Variants in GIPC2 observed in about 807,000 individuals in gnomAD.
The protein encoded by GIPC2 is GIPC PDZ domain containing family member 2.
A neutral mutation model predicts 30.6 loss-of-function variants in GIPC2; 30 were observed. The observed-to-expected ratio is 0.98, with a 90% CI of 0.73 to 1.33. The LOEUF is 1.33. Among genes scored for constraint, GIPC2 ranks in the 40% most tolerant of loss-of-function variants. The pLI is 0.00. For synonymous variants in GIPC2, 167 were observed against 150.0 expected (o/e 1.11, Z -0.83); for missense variants, 414 against 390.3 (o/e 1.06, Z -0.51).
At chr1:78,046,393 G>C in intron 1 of GIPC2, 59 bp downstream of exon 1, 1 of 1,441,212 alleles carries the variant, frequency 6.9e-7, no homozygotes, top group East Asian at 2.4e-5. Flanking sequence ...CGCGCCGCGC[G>C]TATTTCTGTG....
intron 4 of GIPC2, among the ~76,000 whole-genome samples, chr1:78,122,356 T>C (rs888202086): frequency 3.3e-5 from 5 of 152,104 alleles, no homozygotes; most frequent in Non-Finnish European, 1.5e-5. Context: ...ATTCTGAAAA[T>C]GGTGTAAGAT....
At chr1:78,123,958 T>G (rs780099655) in intron 4 of GIPC2, among the ~76,000 whole-genome samples, 3 of 152,254 alleles carry the variant, frequency 2.0e-5, no homozygotes, top group Non-Finnish European at 4.4e-5. Context: ...GTGAGAAAGT[T>G]GTATTAATAT....
chr1:78,071,515 CCTT>C (rs1248028838), intron 1 of GIPC2, among the ~76,000 whole-genome samples: 2 of 150,492 alleles, frequency 1.3e-5, no homozygotes, highest in Non-Finnish European at 3.0e-5. Flanking sequence ...CTCTTCCTCT[CCTT>C]CTTTCTCCTC....
At chr1:78,045,140 T>C (rs1172388610), upstream of GIPC2, 1 of 869,916 alleles carries the variant, frequency 1.1e-6, no homozygotes, top group Non-Finnish European at 1.4e-6. Flanking sequence ...GTAATTAAGA[T>C]ATGATAGTGA....
chr1:78,078,204 A>C lies in GIPC2; in HGVS notation c.241-2471A>C, dbSNP rs979479608. Among the ~76,000 whole-genome samples, 3 of 151,386 alleles carry C rather than the reference A, an allele frequency of 2.0e-5. No homozygotes were observed. In the East Asian group the frequency reaches 5.8e-4, roughly 29 times the overall value. ...CTCCATCTCAAAAAAAAAAAAAAAA[A>C]AAAAAACCTAGTGTATCACTTTCTT... is the stretch of plus-strand genomic sequence containing the variant. On this transcript the variant is annotated intron_variant, in intron 1 of 5. Coordinates refer to ENST00000370759, the MANE Select transcript of GIPC2 (RefSeq NM_017655.6).
intron 3 of GIPC2, among the ~76,000 whole-genome samples, chr1:78,108,009 A>G (rs1219981058): frequency 6.6e-6 from 1 of 152,070 alleles, no homozygotes; most frequent in Non-Finnish European, 1.5e-5. Context: ...TTACATTTGC[A>G]GGATCTGTTT....
At chr1:78,073,515 A>C (rs894747266) in intron 1 of GIPC2, among the ~76,000 whole-genome samples, 6 of 152,208 alleles carry the variant, frequency 3.9e-5, no homozygotes, top group African/African-American at 1.4e-4. Flanking sequence ...GTAGGAGGGT[A>C]GTCATATAAA....
intron 2 of GIPC2, among the ~76,000 whole-genome samples, chr1:78,082,788 A>G (rs1178984999): frequency 1.3e-5 from 2 of 152,212 alleles, no homozygotes; most frequent in African/African-American, 4.8e-5. Flanking sequence ...TACTGTATAC[A>G]TGGTTGATGA....
chr1:78,093,962 T>C (rs1172422999), intron 2 of GIPC2, among the ~76,000 whole-genome samples: 2 of 152,122 alleles, frequency 1.3e-5, no homozygotes, highest in Non-Finnish European at 2.9e-5. Flanking sequence ...CTAGATACCA[T>C]TTTGATACTT....
intron 1 of GIPC2, among the ~76,000 whole-genome samples, chr1:78,058,950 C>T (rs1445323744): frequency 1.3e-5 from 2 of 152,192 alleles, no homozygotes; most frequent in African/African-American, 4.8e-5. Flanking sequence ...CCAAAGAACT[C>T]TGCCAAATAG....
chr1:78,073,371 T>G (rs1661659800), intron 1 of GIPC2, among the ~76,000 whole-genome samples: 1 of 152,174 alleles, frequency 6.6e-6, no homozygotes, highest in African/African-American at 2.4e-5. Context: ...CCCAAAGTGC[T>G]GGGATTTCAG....
At position 78,078,737 on chromosome 1, in the gene GIPC2, T is replaced by C. The variant is rs565878170; in HGVS notation, c.241-1938T>C. On this transcript the variant is annotated intron_variant, in intron 1 of 5. Coordinates refer to ENST00000370759, the MANE Select transcript of GIPC2 (RefSeq NM_017655.6). The stretch of plus-strand genomic sequence containing the variant: ...CTTTTTGTTTTTCTCTATCCTGTTA[T>C]ACCATCATGGTATTTTAATTTTTTT... Among the ~76,000 whole-genome samples the C allele has an allele frequency of 2.0e-5, 3 of 151,924 alleles. No individual in the cohort carries two copies. In the South Asian group the frequency reaches 6.2e-4, roughly 32 times the overall value.
At chr1:78,124,269 C>G (rs1215121444) in intron 4 of GIPC2, among the ~76,000 whole-genome samples, 1 of 151,978 alleles carries the variant, frequency 6.6e-6, no homozygotes, top group Non-Finnish European at 1.5e-5. Flanking sequence ...TCGGGAAGAA[C>G]AAAAATGTTT....
chr1:78,091,816 A>G, intron 2 of GIPC2: 1 of 777,220 alleles, frequency 1.3e-6, no homozygotes, highest in Non-Finnish European at 2.4e-6. Flanking sequence ...AACTTTCTGA[A>G]GCTGATAATA....
intron 4 of GIPC2, among the ~76,000 whole-genome samples, chr1:78,122,048 C>T (rs142498107): frequency 1.8e-3 from 273 of 152,322 alleles, no homozygotes; most frequent in African/African-American, 6.4e-3. Flanking sequence ...TCATTCGTCA[C>T]TCTTTGTTAA....
chr1:78,065,261 C>T (rs1356544676), intron 1 of GIPC2, among the ~76,000 whole-genome samples: 2 of 151,922 alleles, frequency 1.3e-5, no homozygotes, highest in African/African-American at 2.4e-5. Context: ...TCTTCCTATG[C>T]ACTGACAATG....
intron 2 of GIPC2, chr1:78,092,068 T>C: frequency 6.6e-7 from 1 of 1,512,868 alleles, no homozygotes; most frequent in Non-Finnish European, 9.2e-7. Flanking sequence ...CCATGTCAGC[T>C]TCACCCCCCG....
intron 1 of GIPC2, among the ~76,000 whole-genome samples, chr1:78,061,733 C>T (rs973348345): frequency 6.6e-6 from 1 of 150,762 alleles, no homozygotes; most frequent in South Asian, 2.1e-4. Flanking sequence ...TTTCCTGCCT[C>T]AGCCTCCTGA....
At chr1:78,128,594 T>C (rs1662828605) in intron 5 of GIPC2, among the ~76,000 whole-genome samples, 1 of 152,340 alleles carries the variant, frequency 6.6e-6, no homozygotes, top group Middle Eastern at 3.4e-3. Flanking sequence ...TAGTGGTATT[T>C]TTCCATACAG....
Sources: allele counts gnomAD v4.1 joint callset (sites outside exome capture counted in the v4.1 genomes callset), GRCh38; gene constraint gnomAD v4.1.1; transcripts MANE v1.5; gene names NCBI Gene and HGNC (gene_info 2026-07-23, HGNC 2026-07-21).